SDK1: variants seen among roughly 807,000 people sequenced by gnomAD.
The protein encoded by SDK1 is protein sidekick-1.
Under a neutral mutation model 245.5 loss-of-function variants are expected in SDK1, and 157 were observed. The ratio of observed to expected loss-of-function variants is 0.64; its 90% confidence interval spans 0.56 to 0.73. The LOEUF (loss-of-function observed/expected upper bound fraction) is 0.73. Among genes scored for constraint, SDK1 ranks in the 30% least tolerant of loss-of-function variants. SDK1 has a pLI of 0.00. For missense variants in SDK1, 3,583 were observed against 3,002.3 expected, an observed-to-expected ratio of 1.19 and a Z score of -4.52; for synonymous variants, 1,647 against 1,278.5, an observed-to-expected ratio of 1.29 and a Z score of -6.15.
intron 19 of SDK1, among the ~76,000 whole-genome samples, chr7:4,066,685 CCTGCTATGGGAA>C (rs1779923694): frequency 6.6e-6 from 1 of 152,198 alleles, no homozygotes; most frequent in South Asian, 2.1e-4. Flanking sequence ...ACCGATGGGA[CCTGCTATGGGAA>C]CACTAAAAGG....
chr7:4,049,549 T>G (rs779690376), intron 18 of SDK1, 86 bp downstream of exon 18: 7 of 972,520 alleles, frequency 7.2e-6, no homozygotes, highest in Non-Finnish European at 1.1e-5. Context: ...CCCTCTTGTG[T>G]ATCAAGAGCT....
At chr7:3,320,699 G>C (rs1007936816) in intron 1 of SDK1, among the ~76,000 whole-genome samples, 2 of 152,064 alleles carry the variant, frequency 1.3e-5, no homozygotes, top group Non-Finnish European at 2.9e-5. Context: ...AGTCCTGCTT[G>C]ACACAGGGCA....
intron 40 of SDK1, among the ~76,000 whole-genome samples, chr7:4,228,060 A>G (rs1785542621): frequency 6.6e-6 from 1 of 152,246 alleles, no homozygotes; most frequent in Non-Finnish European, 1.5e-5. Context: ...AAAAATGAAG[A>G]TGCATAGTTC....
intron 5 of SDK1, among the ~76,000 whole-genome samples, chr7:3,925,231 G>C: frequency 6.7e-6 from 1 of 148,276 alleles, no homozygotes; most frequent in South Asian, 2.1e-4. Context: ...TGAACAGGAA[G>C]AAACACAGAG....
chr7:3,494,712 G>A (rs892654719), intron 1 of SDK1, among the ~76,000 whole-genome samples: 3 of 152,188 alleles, frequency 2.0e-5, no homozygotes, highest in Non-Finnish European at 2.9e-5. Flanking sequence ...AAACACTGAA[G>A]TGGTTCCAAT....
intron 1 of SDK1, among the ~76,000 whole-genome samples, chr7:3,450,009 G>A (rs1439191975): frequency 6.6e-6 from 1 of 152,216 alleles, no homozygotes; most frequent in African/African-American, 2.4e-5. Context: ...TGGTCACATC[G>A]GAGCTGCGCT....
intron 1 of SDK1, among the ~76,000 whole-genome samples, chr7:3,501,277 T>G (rs1782203449): frequency 6.6e-6 from 1 of 152,140 alleles, no homozygotes; most frequent in Non-Finnish European, 1.5e-5. Flanking sequence ...GGAAGACTCC[T>G]TCAGTTTTCT....
chr7:4,177,945 G>A (rs774122363), intron 34 of SDK1, among the ~76,000 whole-genome samples: 14 of 150,990 alleles, frequency 9.3e-5, no homozygotes, highest in Non-Finnish European at 1.8e-4. Context: ...AACAGCACGT[G>A]CAAGAGAGCC....
chr7:3,510,907 A>G (rs1235204405), intron 1 of SDK1, among the ~76,000 whole-genome samples: 5 of 152,228 alleles, frequency 3.3e-5, no homozygotes, highest in African/African-American at 1.2e-4. Flanking sequence ...AAATATGTCA[A>G]ATTAAAATAT....
In SDK1 at chr7:4,081,177, G is replaced by A. The variant is rs766311435; in HGVS notation, c.3324+1593G>A. Reference sequence around the variant, plus strand: ...AGGCCACAGCGACAGAAACGCCAGCGTCTTCAGGGCTCAACATACAAAAGC... The same window carrying A: ...AGGCCACAGCGACAGAAACGCCAGCATCTTCAGGGCTCAACATACAAAAGC... On this transcript the variant is annotated intron_variant, in intron 22 of 44. Transcript: ENST00000404826. Among the ~76,000 whole-genome samples the A allele has an allele frequency of 7.2e-5, 11 of 152,188 alleles. 1 individual carries two copies. The highest frequency in any genetic ancestry group is 5.2e-4 in the Admixed American group (8 of 15,280).
chr7:4,240,575 A>G (rs559452662), intron 42 of SDK1, among the ~76,000 whole-genome samples: 3 of 152,312 alleles, frequency 2.0e-5, no homozygotes, highest in Non-Finnish European at 2.9e-5. Flanking sequence ...AAGGGGGGCC[A>G]GGTCCCAGCA....
intron 30 of SDK1, among the ~76,000 whole-genome samples, chr7:4,154,748 G>T (rs1460587956): frequency 6.6e-6 from 1 of 152,194 alleles, no homozygotes; most frequent in Non-Finnish European, 1.5e-5. Context: ...ACTTGCTCCA[G>T]TGAGTAGTGG....
rs750500679 is a variant in SDK1, at chr7:4,114,254, G to A, written c.3803G>A (p.Arg1268Gln). 9.9e-6 allele frequency: 16 copies of A among 1,608,418 alleles called. No homozygotes were observed. The highest frequency in any genetic ancestry group is 4.0e-5 in the African/African-American group (3 of 74,832). Residue 1268 changes from arginine to glutamine, a missense_variant, in exon 25 of 45, where the codon CGG becomes CAG. Transcript: ENST00000404826. ...VGAGPWSEVV[R>Q]GRTRESVPSA... ...GCTGGGCCGTGGAGCGAGGTGGTGCGGGGCCGGACGCGGGAGTCAGGTGAG... is the reference window on the plus strand; with the variant it reads ...GCTGGGCCGTGGAGCGAGGTGGTGCAGGGCCGGACGCGGGAGTCAGGTGAG...
intron 16 of SDK1, among the ~76,000 whole-genome samples, chr7:4,016,800 G>C (rs969968805): frequency 6.6e-6 from 1 of 152,142 alleles, no homozygotes; most frequent in African/African-American, 2.4e-5. Flanking sequence ...CCACGTTTCA[G>C]ACTCACAAGA....
chr7:3,347,605 C>T (rs571967228), intron 1 of SDK1, among the ~76,000 whole-genome samples: 6 of 152,296 alleles, frequency 3.9e-5, no homozygotes, highest in African/African-American at 1.4e-4. Context: ...GGCTAATCCA[C>T]TAGAACAATA....
At chr7:4,252,404 TG>T (rs1402311177) in intron 44 of SDK1, among the ~76,000 whole-genome samples, 3 of 152,184 alleles carry the variant, frequency 2.0e-5, no homozygotes, top group Non-Finnish European at 4.4e-5. Context: ...TTTTTATGGC[TG>T]CATAGTATTC....
At chr7:3,435,694 C>G (rs957497696) in intron 1 of SDK1, among the ~76,000 whole-genome samples, 1 of 151,966 alleles carries the variant, frequency 6.6e-6, no homozygotes, top group African/African-American at 2.4e-5. Flanking sequence ...TGAAGGGTAA[C>G]TCATCTCTAT....
intron 2 of SDK1, among the ~76,000 whole-genome samples, chr7:3,634,984 T>C (rs1425063123): frequency 6.6e-6 from 1 of 152,232 alleles, no homozygotes; most frequent in African/African-American, 2.4e-5. Context: ...GATAAAACTG[T>C]CTTTGTAATG....
intron 1 of SDK1, among the ~76,000 whole-genome samples, chr7:3,413,066 G>T (rs913073532): frequency 2.0e-5 from 3 of 152,160 alleles, no homozygotes; most frequent in Non-Finnish European, 2.9e-5. Flanking sequence ...CTTGGCAGGG[G>T]GCAGGCTAAT....
Sources: gnomAD v4.1 joint callset for allele counts (sites outside exome capture counted in the v4.1 genomes callset) on GRCh38, gnomAD v4.1.1 for gene constraint, MANE v1.5 for transcripts, NCBI Gene and HGNC (gene_info 2026-07-23, HGNC 2026-07-21) for gene names.